Variants in HELB observed in about 807,000 individuals in gnomAD.
The protein encoded by HELB is DNA 5'-3' helicase B.
In HELB, 96 loss-of-function variants were observed where a neutral mutation model predicts 101.7. The observed-to-expected ratio is 0.94, with a 90% CI of 0.80 to 1.12. The LOEUF is 1.12. Ranked by LOEUF, HELB falls within the 50% of genes most tolerant of loss-of-function variation. The pLI is 0.00. For missense variants in HELB, 1,210 were observed against 1,291.9 expected, an observed-to-expected ratio of 0.94 and a Z score of 0.97; for synonymous variants, 437 against 459.7, an observed-to-expected ratio of 0.95 and a Z score of 0.63.
chr12:66,306,535 G>A (rs2053478627), intron 3 of HELB, 21 bp downstream of exon 3: 8 of 1,509,968 alleles, frequency 5.3e-6, no homozygotes, highest in Non-Finnish European at 6.2e-6. Flanking sequence ...CATTTGCTCA[G>A]CATATAGTAA....
At chr12:66,306,261 T>C (rs1225475759) in intron 2 of HELB, 84 bp from the exon 3 acceptor site, 1 of 1,067,950 alleles carries the variant, frequency 9.4e-7, no homozygotes, top group East Asian at 2.6e-5. Flanking sequence ...CTTGAATCGG[T>C]TGTGCAAAAT....
intron 4 of HELB, among the ~76,000 whole-genome samples, chr12:66,310,865 A>C (rs1014486077): frequency 6.6e-6 from 1 of 152,194 alleles, no homozygotes; most frequent in African/African-American, 2.4e-5. Context: ...CAGGAAGCAG[A>C]GGTTGCAGTA....
chr12:66,315,887 G>A (rs998637490), intron 6 of HELB, among the ~76,000 whole-genome samples: 10 of 152,120 alleles, frequency 6.6e-5, no homozygotes, highest in African/African-American at 2.4e-4. Context: ...AGCCTTTGGA[G>A]TTATCCTCTG....
chr12:66,309,605 T>A, intron 3 of HELB, 101 bp from the exon 4 acceptor site: 1 of 708,982 alleles, frequency 1.4e-6, no homozygotes, highest in Non-Finnish European at 2.2e-6. Context: ...GTAAATTTTG[T>A]TGAAGTTCAT....
At chr12:66,303,569 G>A (rs1400811792) in intron 1 of HELB, among the ~76,000 whole-genome samples, 1 of 152,120 alleles carries the variant, frequency 6.6e-6, no homozygotes, top group South Asian at 2.1e-4. Context: ...GGAGGTGGGG[G>A]TTGCAGTGAG....
chr12:66,330,893 T>G lies in HELB; in HGVS notation c.2671-261T>G, dbSNP rs138496393. Among the ~76,000 whole-genome samples, 55 of 152,292 alleles carry G rather than the reference T, an allele frequency of 3.6e-4. No homozygotes were observed. In the East Asian group the frequency reaches 0.01, roughly 29 times the overall value. ...TTATTAGGAAAGGTTTAATACTGCATGCAGTCTTTAAAATTTGCTGCTGGG... is the reference window on the plus strand; with the variant it reads ...TTATTAGGAAAGGTTTAATACTGCAGGCAGTCTTTAAAATTTGCTGCTGGG... On this transcript the variant is annotated intron_variant, in intron 11 of 12. Transcript: ENST00000247815.
At chr12:66,305,697 A>T (rs980495193) in intron 2 of HELB, among the ~76,000 whole-genome samples, 7 of 151,802 alleles carry the variant, frequency 4.6e-5, no homozygotes, top group African/African-American at 1.5e-4. Flanking sequence ...GTGAGCCATG[A>T]TTGCACCACT....
At position 66,314,098 on chromosome 12, in the gene HELB, G is replaced by A. The variant is rs746274671; in HGVS notation, c.1793G>A (p.Gly598Glu). Residue 598 changes from glycine (G) to glutamate (E), a missense_variant, in exon 5 of 13, where the codon GGA becomes GAA. Gly to Glu is a moderately conservative substitution (Grantham distance 98). Transcript: ENST00000247815. ...GATGAAGGGAGTTTGGTATCTGTAG[G>A]AATCTTCAAATCGGTCTTAAATTTA... is the stretch of plus-strand genomic sequence containing the variant. ...VVDEGSLVSV[G>E]IFKSVLNLLC... The A allele has an allele frequency of 3.1e-6, 5 of 1,613,718 alleles. No individual in the cohort carries two copies. The Admixed American group carries it at 5.0e-5, about 16-fold the overall frequency.
intron 12 of HELB, among the ~76,000 whole-genome samples, chr12:66,335,949 G>A (rs1280647965): frequency 1.3e-5 from 2 of 152,100 alleles, no homozygotes; most frequent in African/African-American, 2.4e-5. Context: ...CTGTAGGAGG[G>A]CACACACCCC....
At chr12:66,307,021 GTTC>G (rs918859226) in intron 3 of HELB, among the ~76,000 whole-genome samples, 8 of 152,094 alleles carry the variant, frequency 5.3e-5, no homozygotes, top group Admixed American at 2.6e-4. Context: ...ATCCGCTTCT[GTTC>G]TTATTATTAG....
At chr12:66,322,521 C>T (rs931326988) in intron 8 of HELB, among the ~76,000 whole-genome samples, 1 of 146,994 alleles carries the variant, frequency 6.8e-6, no homozygotes, top group Non-Finnish European at 1.5e-5. Flanking sequence ...GCCGAGAGCA[C>T]GCCATTGCAC....
chr12:66,310,247 T>C lies in HELB; in HGVS notation c.1319T>C (p.Ile440Thr). ...TNGENEINAE[I>T]SEVQLDQDQV... Reference sequence around the variant, plus strand: ...GGTGAAAATGAAATTAATGCAGAAATAAGTGAAGTTCAGCTGGATCAGGAT... The same window carrying C: ...GGTGAAAATGAAATTAATGCAGAAACAAGTGAAGTTCAGCTGGATCAGGAT... The change falls in exon 4 of 13, where the codon ATA becomes ACA. Residue 440 changes from isoleucine to threonine, a missense_variant. Physicochemically the swap from Ile to Thr is moderately conservative, Grantham distance 89. Around this residue, in one of 2 missense-constraint regions of HELB, gnomAD observed 470 missense variants for 563.1 expected, o/e 0.83. Transcript: ENST00000247815. The C allele has an allele frequency of 6.2e-7, 1 of 1,614,038 alleles. No homozygotes were observed. Among genetic ancestry groups the C allele is most frequent in the Non-Finnish European group, 8.5e-7 (1 of 1,180,016 alleles).
chr12:66,311,411 G>A (rs779262047), intron 4 of HELB, among the ~76,000 whole-genome samples: 1 of 152,158 alleles, frequency 6.6e-6, no homozygotes, highest in Non-Finnish European at 1.5e-5. Flanking sequence ...GCAGTGAGCC[G>A]TGTTTAGACC....
Position 66,325,164 on chromosome 12 carries a change from A to G in HELB, c.2670+38A>G, listed in dbSNP as rs1384919130. On this transcript the variant is annotated intron_variant, in intron 11 of 12. Transcript: ENST00000247815. ...TTTTATCAAACCTTTTAAATAATTT[A>G]CCAACCTTAGAGCGCCTTGCATTGT... is the stretch of plus-strand genomic sequence containing the variant. The G allele has an allele frequency of 1.2e-5, 17 of 1,452,822 alleles. 1 individual carries two copies. Among genetic ancestry groups the G allele is most frequent in the South Asian group, 1.1e-4 (9 of 83,180 alleles). 90.0% of individuals were successfully genotyped at this position (1,452,822 alleles called of 1,614,324 possible). A position where few individuals can be genotyped will look rare whatever the true frequency, so the allele number is the denominator to read the frequency against.
At chr12:66,332,106 C>A (rs958407472) in intron 12 of HELB, among the ~76,000 whole-genome samples, 5 of 152,188 alleles carry the variant, frequency 3.3e-5, no homozygotes, top group African/African-American at 1.2e-4. Context: ...GTTAATGAAC[C>A]AGCTGCCTAA....
chr12:66,322,425 C>T lies in HELB; in HGVS notation c.2238-299C>T, dbSNP rs535144254. Among the ~76,000 whole-genome samples the T allele has an allele frequency of 8.6e-5, 13 of 151,558 alleles. No individual in the cohort carries two copies. The East Asian group carries it at 1.4e-3, about 16-fold the overall frequency. ...ACTAAAAATACAAAAATTAGCCAGGCGTCATGGCACACACCTGTAATCCCA... is the reference window on the plus strand; with the variant it reads ...ACTAAAAATACAAAAATTAGCCAGGTGTCATGGCACACACCTGTAATCCCA... On this transcript the variant is annotated intron_variant, in intron 8 of 12. Coordinates refer to ENST00000247815, the MANE Select transcript of HELB (RefSeq NM_001370285.1).
Position 66,304,730 on chromosome 12 carries a change from G to A in HELB, c.188-1G>A. On this transcript the variant is annotated splice_acceptor_variant, in intron 1 of 12. Transcript: ENST00000247815. LOFTEE classifies it high-confidence loss of function. ...GTGGGTTTTTGTTTGTTTTTTTTTA[G>A]TTTCTATTTGTGATGAAAACACACA... is the stretch of plus-strand genomic sequence containing the variant. 6.4e-7 allele frequency: 1 copy of A among 1,568,604 alleles called. No homozygotes were observed. Among genetic ancestry groups the A allele is most frequent in the East Asian group, 2.3e-5 (1 of 44,412 alleles).
intron 11 of HELB, among the ~76,000 whole-genome samples, chr12:66,326,093 G>A (rs971779417): frequency 6.6e-6 from 1 of 152,138 alleles, no homozygotes; most frequent in African/African-American, 2.4e-5. Context: ...GCTGTTCTAG[G>A]ACAGCATATT....
chr12:66,311,842 T>TA (rs1437040556), intron 4 of HELB, among the ~76,000 whole-genome samples: 1 of 152,210 alleles, frequency 6.6e-6, no homozygotes, highest in East Asian at 1.9e-4. Flanking sequence ...TGCCATTTTT[T>TA]AGATAAAGAA....
Sources: gnomAD v4.1 joint callset for allele counts (sites outside exome capture counted in the v4.1 genomes callset) on GRCh38, gnomAD v4.1.1 for gene constraint, gnomAD v4.1.1 regional missense constraint, MANE v1.5 for transcripts, NCBI Gene and HGNC (gene_info 2026-07-23, HGNC 2026-07-21) for gene names.